The following ZNF503 variants were observed in gnomAD, a reference collection of about 807,000 sequenced individuals.
ZNF503 encodes the protein zinc finger protein 503.
A neutral mutation model predicts 34.4 loss-of-function variants in ZNF503; 15 were observed. The ratio of observed to expected loss-of-function variants is 0.44; its 90% CI spans 0.29 to 0.67. ZNF503 has a LOEUF of 0.67. ZNF503 is among the 30% of genes least tolerant of loss of function. The pLI is 0.13. For synonymous variants in ZNF503, 580 were observed against 456.8 expected, an observed-to-expected ratio of 1.27 and a Z score of -3.44; for missense variants, 1,007 against 926.8, an observed-to-expected ratio of 1.09 and a Z score of -1.12.
At position 75,399,754 on chromosome 10, in the gene ZNF503, G is replaced by A; in HGVS notation, c.936C>T (p.Gly312=). 2 of 1,592,330 alleles carry A rather than the reference G, an allele frequency of 1.3e-6. No homozygotes were observed. Among genetic ancestry groups the A allele is most frequent in the South Asian group, 1.1e-5 (1 of 89,532 alleles). ...PGGKALGSDC[G]GSSGSSSGSG... is the part of the protein sequence containing the mutation. The stretch of plus-strand genomic sequence containing the variant: ...AGCCGGAGCTGGAGCCCGATGAACC[G>A]CCGCAGTCCGAGCCCAGAGCCTTGC... Residue 312 remains glycine (G), a synonymous_variant, in exon 2 of 2, where the codon GGC becomes GGT. Coordinates refer to ENST00000372524, the MANE Select transcript of ZNF503 (RefSeq NM_032772.6).
chr10:75,389,396 T>G, the ZNF503 span, among the ~76,000 whole-genome samples: 1 of 152,194 alleles, frequency 6.6e-6, no homozygotes, highest in South Asian at 2.1e-4. Flanking sequence ...AGGTGTCCGC[T>G]GGGCCACCTC....
the ZNF503 span, among the ~76,000 whole-genome samples, chr10:75,310,279 G>T: frequency 6.6e-6 from 1 of 152,198 alleles, no homozygotes; most frequent in Non-Finnish European, 1.5e-5. Flanking sequence ...CTCAAGGGAC[G>T]TTTGGGACCT....
chr10:75,283,992 A>T, the ZNF503 span: 1 of 152,254 alleles, frequency 6.6e-6, no homozygotes, highest in Non-Finnish European at 1.5e-5. Context: ...TTTAGTCTCC[A>T]GTCCCAAAGG....
chr10:75,355,950 G>A, the ZNF503 span, among the ~76,000 whole-genome samples: 7 of 152,340 alleles, frequency 4.6e-5, no homozygotes, highest in East Asian at 3.9e-4. Flanking sequence ...TGTCAGCTGA[G>A]ACCTTAGATG....
chr10:75,329,175 T>G, the ZNF503 span, among the ~76,000 whole-genome samples: 1 of 152,320 alleles, frequency 6.6e-6, no homozygotes, highest in Admixed American at 6.5e-5. Flanking sequence ...GTAGCTATTG[T>G]GAATGGGATT....
chr10:75,287,121 G>A, the ZNF503 span, among the ~76,000 whole-genome samples: 110 of 152,208 alleles, frequency 7.2e-4, 2 homozygotes, highest in Middle Eastern at 6.8e-3. Context: ...CTCTGTCCCC[G>A]TGGGGTCAGA....
chr10:75,326,372 ATCTTTCTT>A, the ZNF503 span, among the ~76,000 whole-genome samples: 3 of 151,538 alleles, frequency 2.0e-5, no homozygotes, highest in Non-Finnish European at 4.4e-5. Flanking sequence ...CTGCCTGCAG[ATCTTTCTT>A]TCTTTCTTTC....
At chr10:75,309,654 C>T in the ZNF503 span, among the ~76,000 whole-genome samples, 1 of 152,152 alleles carries the variant, frequency 6.6e-6, no homozygotes, top group Non-Finnish European at 1.5e-5. Flanking sequence ...TTGAATATAA[C>T]TTTTATATGT....
chr10:75,346,689 G>T, the ZNF503 span, among the ~76,000 whole-genome samples: 2,641 of 152,050 alleles, frequency 0.017, 34 homozygotes, highest in Non-Finnish European at 0.025. Flanking sequence ...TGATCTGCCC[G>T]CCTCGGCCTC....
chr10:75,383,403 C>A, the ZNF503 span, among the ~76,000 whole-genome samples: 10 of 152,288 alleles, frequency 6.6e-5, no homozygotes, highest in South Asian at 2.1e-4. Flanking sequence ...AGTTTCCCCC[C>A]ACTTCTGCTT....
chr10:75,287,511 C>A, the ZNF503 span, among the ~76,000 whole-genome samples: 2 of 152,176 alleles, frequency 1.3e-5, no homozygotes, highest in Non-Finnish European at 2.9e-5. Context: ...CCTGGGCTGT[C>A]TTTCCATTTC....
chr10:75,399,444 C>A lies in ZNF503; in HGVS notation c.1246G>T (p.Ala416Ser). The change falls in exon 2 of 2, where the codon GCG becomes TCG. Residue 416 changes from alanine (A) to serine (S), a missense_variant. Physicochemically the swap from Ala to Ser is moderately conservative, Grantham distance 99. Coordinates refer to ENST00000372524, the MANE Select transcript of ZNF503 (RefSeq NM_032772.6). ...KPAGSSPLAG[A>S]SPPSVMTASL... ...GCTGTCATCACGGACGGCGGAGACG[C>A]TCCGGCCAAAGGGCTGGAGCCGGCC... The A allele has an allele frequency of 6.3e-7, 1 of 1,593,386 alleles. No homozygotes were observed. The highest frequency in any genetic ancestry group is 1.7e-5 in the Admixed American group (1 of 58,994).
At chr10:75,329,396 TCC>T in the ZNF503 span, among the ~76,000 whole-genome samples, 2 of 84,480 alleles carry the variant, frequency 2.4e-5, no homozygotes, top group African/African-American at 9.0e-5. Context: ...CTTCCTTCCT[TCC>T]TTCCTTCCTT....
chr10:75,317,037 G>T, the ZNF503 span, among the ~76,000 whole-genome samples: 2 of 152,124 alleles, frequency 1.3e-5, no homozygotes, highest in East Asian at 3.9e-4. Context: ...AAACTCCAGG[G>T]TTCAAGCCAT....
chr10:75,397,327 TC>T (rs1843711795), downstream of ZNF503, among the ~76,000 whole-genome samples: 1 of 151,820 alleles, frequency 6.6e-6, no homozygotes. Flanking sequence ...CCCTGCGTAC[TC>T]CCCCCAGGCC....
chr10:75,303,456 G>C, the ZNF503 span, among the ~76,000 whole-genome samples: 7 of 152,216 alleles, frequency 4.6e-5, no homozygotes, highest in African/African-American at 7.2e-5. Flanking sequence ...GGATAGCAAG[G>C]CTGTTGGATC....
At chr10:75,323,327 T>A in the ZNF503 span, among the ~76,000 whole-genome samples, 2,825 of 152,298 alleles carry the variant, frequency 0.019, 103 homozygotes, top group African/African-American at 0.064. Context: ...CTCTTAAAAA[T>A]TATTTATTTT....
Position 75,398,986 on chromosome 10 carries a change from G to A in ZNF503, c.1704C>T (p.Ala568=), listed in dbSNP as rs1047132060. ...TGGGGATGTGCATGTGGCAAGCCAT[G>A]GCGGCCGCGGCAGCGCTGGCCAGAG... ...SSSLASAAAA[A]MACHMHIPTS... is the part of the protein sequence containing the mutation. Residue 568 remains alanine (A), a synonymous_variant, in exon 2 of 2, where the codon GCC becomes GCT. Coordinates refer to ENST00000372524, the MANE Select transcript of ZNF503 (RefSeq NM_032772.6). 1.9e-6 allele frequency: 3 copies of A among 1,605,318 alleles called. No homozygotes were observed. Among genetic ancestry groups the A allele is most frequent in the African/African-American group, 1.3e-5 (1 of 75,046 alleles).
At chr10:75,312,026 G>A in the ZNF503 span, among the ~76,000 whole-genome samples, 23 of 152,002 alleles carry the variant, frequency 1.5e-4, no homozygotes, top group African/African-American at 4.8e-4. Flanking sequence ...ATTACACCAC[G>A]CCCAGCCTGT....
Sources: allele counts gnomAD v4.1 joint callset (sites outside exome capture counted in the v4.1 genomes callset), GRCh38; gene constraint gnomAD v4.1.1; transcripts MANE v1.5; gene names NCBI Gene and HGNC (gene_info 2026-07-23, HGNC 2026-07-21).